The following PILRB variants were observed in gnomAD, a reference collection of about 807,000 sequenced individuals.
PILRB encodes paired immunoglobulin-like type 2 receptor beta.
Under a neutral mutation model 20.5 loss-of-function variants are expected in PILRB, and 21 were observed. The observed-to-expected ratio is 1.02, with a 90% CI of 0.72 to 1.47. The LOEUF (loss-of-function observed/expected upper bound fraction) is 1.47, where lower values mean the gene tolerates loss of function less well. Among genes scored for constraint, PILRB ranks in the 40% most tolerant of loss-of-function variants. The pLI is 0.00. For missense variants in PILRB, 253 were observed against 272.1 expected (o/e 0.93, Z 0.49); for synonymous variants, 133 against 115.1 (o/e 1.16, Z -0.99).
rs1320126699 is a variant in PILRB at position 100,367,361 on chromosome 7, C to A, written c.668C>A (p.Pro223Gln). 3 of 780,834 alleles carry A rather than the reference C, an allele frequency of 3.8e-6. No homozygotes were observed. Among genetic ancestry groups the A allele is most frequent in the Admixed American group, 3.4e-5 (2 of 59,010 alleles). 48.4% of individuals were successfully genotyped at this position (780,834 alleles called of 1,614,324 possible). The stretch of plus-strand genomic sequence containing the variant: ...TCCCCTCCTGCAGGTAGCAGGGCGC[C>A]AAGCAGTGACTTCTGACCAACAGAG... ...WWRRRKGSRA[P>Q]SSDF The change falls in exon 4 of 4, where the codon CCA becomes CAA. Residue 223 changes from proline (P) to glutamine (Q), a missense_variant. Transcript: ENST00000609309.
Position 100,358,920 on chromosome 7 carries a change from C to G in PILRB, c.295C>G (p.Leu99Val), listed in dbSNP as rs1181333153. 1 of 1,614,168 alleles carries G rather than the reference C, an allele frequency of 6.2e-7. No individual in the cohort carries two copies. Among genetic ancestry groups the G allele is most frequent in the Admixed American group, 1.7e-5 (1 of 60,016 alleles). Reference protein sequence around the residue: ...IHKDYVNRLFLNWTEGQESGF... With the variant: ...IHKDYVNRLFVNWTEGQESGF... ...CAAGGATTATGTGAACCGGCTCTTT[C>G]TGAACTGGACAGAGGGTCAGGAGAG... Residue 99 changes from leucine (L) to valine (V), a missense_variant, in exon 2 of 4, where the codon CTG becomes GTG. Coordinates refer to ENST00000609309, the MANE Select transcript of PILRB (RefSeq NM_178238.4).
chr7:100,366,522 C>T (rs998109556), intron 3 of PILRB, among the ~76,000 whole-genome samples: 2 of 151,564 alleles, frequency 1.3e-5, no homozygotes, highest in Non-Finnish European at 2.9e-5. Context: ...GCCAGGGGGA[C>T]AAGAGGGGCA....
chr7:100,364,108 C>CAA (rs149933051), intron 3 of PILRB, among the ~76,000 whole-genome samples: 26 of 93,174 alleles, frequency 2.8e-4, no homozygotes, highest in East Asian at 2.4e-3. Context: ...AACTCCATCT[C>CAA]AAAAAAAAAA....
Position 100,358,672 on chromosome 7 carries a change from A to G in PILRB, c.65-18A>G. The G allele has an allele frequency of 6.2e-7, 1 of 1,608,484 alleles. No individual in the cohort carries two copies. Among genetic ancestry groups the G allele is most frequent in the Non-Finnish European group, 8.5e-7 (1 of 1,177,092 alleles). ...TGGTTTCAAGGTCTCTCCCCCACTC[A>G]CTCCCTCCTTCCTCTAGGTGGCTCC... On this transcript the variant is annotated intron_variant, in intron 1 of 3. Coordinates refer to ENST00000609309, the MANE Select transcript of PILRB (RefSeq NM_178238.4).
At chr7:100,365,572 G>T (rs1253364792) in intron 3 of PILRB, among the ~76,000 whole-genome samples, 1 of 152,104 alleles carries the variant, frequency 6.6e-6, no homozygotes, top group African/African-American at 2.4e-5. Flanking sequence ...TGAGGAACAT[G>T]CCTTGGAAGG....
rs760453017 is a variant in PILRB, at chr7:100,358,987, CTG to C, written c.366_367del (p.Tyr123PhefsTer97). On this transcript the variant is annotated frameshift_variant, in exon 2 of 4. Coordinates refer to ENST00000609309, the MANE Select transcript of PILRB (RefSeq NM_178238.4). LOFTEE classifies it high-confidence loss of function. ...TCAAACCTGCGGAAGGAGGACCAGT[CTG>C]TGTATTTCTGCCGAGTCGAGCTGGA... 73 of 1,614,160 alleles carry C rather than the reference CTG, an allele frequency of 4.5e-5. 2 individuals are homozygous for C. In the South Asian group the frequency reaches 6.7e-4, roughly 15 times the overall value.
intron 1 of PILRB, 44 bp downstream of exon 1, chr7:100,358,410 C>T: frequency 6.3e-7 from 1 of 1,598,458 alleles, no homozygotes; most frequent in South Asian, 1.1e-5. Context: ...GCCCAAACCA[C>T]AGGAGGGGCC....
In PILRB at chr7:100,358,972, G is replaced by A. The variant is rs116319687; in HGVS notation, c.347G>A (p.Arg116Gln). The A allele has an allele frequency of 9.3e-4, 1,498 of 1,614,088 alleles. 16 individuals are homozygous for A. In the African/African-American group the frequency reaches 0.018, roughly 19 times the overall value. Residue 116 changes from arginine (R) to glutamine (Q), a missense_variant, in exon 2 of 4, where the codon CGG becomes CAG. Coordinates refer to ENST00000609309, the MANE Select transcript of PILRB (RefSeq NM_178238.4). ...GGCTTCCTCAGGATCTCAAACCTGC[G>A]GAAGGAGGACCAGTCTGTGTATTTC... The part of the protein sequence containing the change: ...ESGFLRISNL[R>Q]KEDQSVYFCR...
chr7:100,363,110 A>G (rs1012396334), intron 3 of PILRB, among the ~76,000 whole-genome samples: 3 of 149,706 alleles, frequency 2.0e-5, no homozygotes, highest in Non-Finnish European at 3.0e-5. Context: ...CCTGGCCAAC[A>G]TGGCAAAACC....
chr7:100,359,318 C>T lies in PILRB; in HGVS notation c.455-19C>T. ...CCACACCCCCAGAAGAGGGTCTGCT[C>T]ATTCCTCATCTCTTCCAGCTGTCAC... is the stretch of plus-strand genomic sequence containing the variant. On this transcript the variant is annotated intron_variant, in intron 2 of 3. Transcript: ENST00000609309. 6.2e-7 allele frequency: 1 copy of T among 1,612,062 alleles called. No individual in the cohort carries two copies. Among genetic ancestry groups the T allele is most frequent in the Non-Finnish European group, 8.5e-7 (1 of 1,178,320 alleles).
At chr7:100,364,171 C>G (rs1432883017) in intron 3 of PILRB, among the ~76,000 whole-genome samples, 1 of 151,910 alleles carries the variant, frequency 6.6e-6, no homozygotes, top group African/African-American at 2.4e-5. Flanking sequence ...CAAATAAACC[C>G]TCACATAGAT....
chr7:100,367,318 C>T, intron 3 of PILRB, 31 bp from the exon 4 acceptor site: 1 of 780,872 alleles, frequency 1.3e-6, no homozygotes, highest in Admixed American at 1.7e-5. Context: ...TAATCCTGGC[C>T]CTGCATCTAA....
At position 100,358,680 on chromosome 7, in the gene PILRB, C is replaced by T. The variant is rs748347627; in HGVS notation, c.65-10C>T. 3.0e-5 allele frequency: 49 copies of T among 1,612,014 alleles called. No individual in the cohort carries two copies. Among genetic ancestry groups the T allele is most frequent in the Non-Finnish European group, 3.8e-5 (45 of 1,178,540 alleles). On this transcript the variant is annotated splice_polypyrimidine_tract_variant and intron_variant, in intron 1 of 3. Transcript: ENST00000609309. Reference sequence around the variant, plus strand: ...AGGTCTCTCCCCCACTCACTCCCTCCTTCCTCTAGGTGGCTCCACAGGATC... The same window carrying T: ...AGGTCTCTCCCCCACTCACTCCCTCTTTCCTCTAGGTGGCTCCACAGGATC...
rs1790737876 is a variant in PILRB, at chr7:100,367,711, T to C, written c.*334T>C. On this transcript the variant is annotated 3_prime_UTR_variant, in exon 4 of 4. Transcript: ENST00000609309. Reference sequence around the variant, plus strand: ...TTTATCCTCCCCAAGGATGGAAAAATACAATTTATTTTGCTTACCATACAC... The same window carrying C: ...TTTATCCTCCCCAAGGATGGAAAAACACAATTTATTTTGCTTACCATACAC... 1 of 304,842 alleles carries C rather than the reference T, an allele frequency of 3.3e-6. No individual in the cohort carries two copies. The highest frequency in any genetic ancestry group is 6.1e-6 in the Non-Finnish European group (1 of 163,194). 18.9% of individuals were successfully genotyped at this position (304,842 alleles called of 1,614,324 possible).
At chr7:100,359,682 C>T (rs1790473350) in intron 3 of PILRB, 145 bp downstream of exon 3, 8 of 696,624 alleles carry the variant, frequency 1.1e-5, no homozygotes, top group East Asian at 2.7e-5. Flanking sequence ...TGTGCTGGGG[C>T]GTCTGCATCT....
At position 100,359,375 on chromosome 7, in the gene PILRB, A is replaced by G; in HGVS notation, c.493A>G (p.Thr165Ala). 6.2e-7 allele frequency: 1 copy of G among 1,614,100 alleles called. No individual in the cohort carries two copies. The highest frequency in any genetic ancestry group is 8.5e-7 in the Non-Finnish European group (1 of 1,180,020). ...CACCACCTGGAGGCCCAGCAGCACA[A>G]CCACCATAGCCGGCCTCAGGGTCAC... is the stretch of plus-strand genomic sequence containing the variant. Reference protein sequence around the residue: ...TTTTWRPSSTTTIAGLRVTES... With the variant: ...TTTTWRPSSTATIAGLRVTES... The change falls in exon 3 of 4, where the codon ACC (threonine) becomes GCC (alanine). Residue 165 changes from threonine to alanine, a missense_variant. Physicochemically the swap from Thr to Ala is moderately conservative, Grantham distance 58. Coordinates refer to ENST00000609309, the MANE Select transcript of PILRB (RefSeq NM_178238.4).
chr7:100,358,367 G>T lies in PILRB; in HGVS notation c.64+1G>T. ...CAGCCGCCAGCATTTCTGCAGCCTG[G>T]TGAGTACCCAGGACCGCCCAGGTAT... On this transcript the variant is annotated splice_donor_variant, in intron 1 of 3. Coordinates refer to ENST00000609309, the MANE Select transcript of PILRB (RefSeq NM_178238.4). LOFTEE classifies it high-confidence loss of function. 1.2e-6 allele frequency: 2 copies of T among 1,612,262 alleles called. No individual in the cohort carries two copies. The highest frequency in any genetic ancestry group is 1.1e-5 in the South Asian group (1 of 91,084).
intron 3 of PILRB, among the ~76,000 whole-genome samples, chr7:100,362,662 C>T (rs1790561681): frequency 6.6e-6 from 1 of 152,078 alleles, no homozygotes. Flanking sequence ...GTGTGCACCA[C>T]TATGCCCGGC....
At position 100,358,182 on chromosome 7, in the gene PILRB, C is replaced by G. The variant is rs781196383; in HGVS notation, c.-121C>G. ...GAAGGTCCCCGGCCCCCACAGCCCT[C>G]TGGGGAGCCTCACCCTGGCTCTCCC... On this transcript the variant is annotated 5_prime_UTR_variant, in exon 1 of 4. Coordinates refer to ENST00000609309, the MANE Select transcript of PILRB (RefSeq NM_178238.4). The G allele has an allele frequency of 8.6e-7, 1 of 1,159,314 alleles. No homozygotes were observed. Among genetic ancestry groups the G allele is most frequent in the Admixed American group, 1.7e-5 (1 of 57,594 alleles). 71.8% of individuals were successfully genotyped at this position (1,159,314 alleles called of 1,614,324 possible). A position where few individuals can be genotyped will look rare whatever the true frequency, so the allele number is the denominator to read the frequency against.
Sources: gnomAD v4.1 joint callset for allele counts (sites outside exome capture counted in the v4.1 genomes callset) on GRCh38, gnomAD v4.1.1 for gene constraint, MANE v1.5 for transcripts, NCBI Gene and HGNC (gene_info 2026-07-23, HGNC 2026-07-21) for gene names.